LRMDA: variants seen among roughly 807,000 people sequenced by gnomAD.
LRMDA encodes the protein leucine rich melanocyte differentiation associated.
In LRMDA, 18 loss-of-function variants were observed where a neutral mutation model predicts 29.8. That is an observed-to-expected ratio of 0.60 (90% CI 0.42 to 0.90). The LOEUF is 0.90. Among genes scored for constraint, LRMDA ranks in the 40% least tolerant of loss-of-function variants. The pLI is 0.00. For synonymous variants in LRMDA, 125 were observed against 109.4 expected, an observed-to-expected ratio of 1.14 and a Z score of -0.89; for missense variants, 273 against 273.9, an observed-to-expected ratio of 1.00 and a Z score of 0.02.
intron 5 of LRMDA, among the ~76,000 whole-genome samples, chr10:76,290,798 T>C (rs963142518): frequency 6.6e-6 from 1 of 152,192 alleles, no homozygotes; most frequent in South Asian, 2.1e-4. Context: ...AAGGAGGTGC[T>C]ATACCTTCAA....
chr10:75,728,948 C>T (rs1366548432), intron 2 of LRMDA, among the ~76,000 whole-genome samples: 1 of 152,170 alleles, frequency 6.6e-6, no homozygotes, highest in African/African-American at 2.4e-5. Context: ...CCCACCTTCT[C>T]TCCTCTGTGC....
At chr10:75,490,963 C>T (rs1794110248) in intron 2 of LRMDA, among the ~76,000 whole-genome samples, 2 of 152,272 alleles carry the variant, frequency 1.3e-5, no homozygotes, top group Admixed American at 1.3e-4. Flanking sequence ...ATTTTTTCCC[C>T]TAACACAGAG....
intron 2 of LRMDA, among the ~76,000 whole-genome samples, chr10:75,594,882 G>A (rs575771260): frequency 1.3e-5 from 2 of 152,294 alleles, no homozygotes; most frequent in South Asian, 4.1e-4. Flanking sequence ...AACTTTAGGT[G>A]AGACTCCCTG....
chr10:76,241,777 A>G (rs2132285887), intron 5 of LRMDA, among the ~76,000 whole-genome samples: 1 of 152,242 alleles, frequency 6.6e-6, no homozygotes, highest in East Asian at 1.9e-4. Context: ...GGGGTCCTGG[A>G]GACTGAAGGG....
chr10:75,998,783 T>C (rs1847514726), intron 2 of LRMDA, among the ~76,000 whole-genome samples: 1 of 152,184 alleles, frequency 6.6e-6, no homozygotes, highest in Admixed American at 6.5e-5. Context: ...ACACTTGTGG[T>C]GTAATTTGGG....
intron 5 of LRMDA, among the ~76,000 whole-genome samples, chr10:76,096,959 A>ATT (rs528474182): frequency 1.3e-5 from 2 of 148,834 alleles, no homozygotes; most frequent in Non-Finnish European, 3.0e-5. Flanking sequence ...GTAAATTGAG[A>ATT]TTTTTTTTTT....
chr10:76,328,827 A>C (rs1840869250), intron 6 of LRMDA, among the ~76,000 whole-genome samples: 1 of 152,228 alleles, frequency 6.6e-6, no homozygotes. Flanking sequence ...AAAAGGGTGA[A>C]TGCTCCATGT....
chr10:75,441,630 C>G (rs1313647030), intron 2 of LRMDA, among the ~76,000 whole-genome samples: 1 of 152,154 alleles, frequency 6.6e-6, no homozygotes, highest in Non-Finnish European at 1.5e-5. Flanking sequence ...CTCTTTCTCC[C>G]AGGCCCTTTC....
chr10:76,236,402 T>C (rs185851581), intron 5 of LRMDA, among the ~76,000 whole-genome samples: 1 of 152,308 alleles, frequency 6.6e-6, no homozygotes. Flanking sequence ...GGTTTATGTT[T>C]GAGAATTGCA....
intron 2 of LRMDA, among the ~76,000 whole-genome samples, chr10:75,860,242 A>C (rs1244530176): frequency 6.6e-6 from 1 of 150,392 alleles, no homozygotes; most frequent in East Asian, 2.0e-4. Flanking sequence ...CTGAACAGTA[A>C]TCTCTAGAGC....
chr10:75,596,128 A>G (rs988540213), intron 2 of LRMDA, among the ~76,000 whole-genome samples: 4 of 152,172 alleles, frequency 2.6e-5, no homozygotes, highest in African/African-American at 9.7e-5. Context: ...GTAAACTTAA[A>G]TTTTTACAGG....
intron 2 of LRMDA, among the ~76,000 whole-genome samples, chr10:75,990,690 A>C (rs768479713): frequency 1.4e-4 from 21 of 152,206 alleles, no homozygotes; most frequent in Non-Finnish European, 2.8e-4. Flanking sequence ...AAAAATAAGT[A>C]CTTTGGGTTG....
intron 2 of LRMDA, among the ~76,000 whole-genome samples, chr10:75,825,931 G>A (rs1337600856): frequency 6.6e-6 from 1 of 152,206 alleles, no homozygotes; most frequent in Non-Finnish European, 1.5e-5. Context: ...GCGGCTGCAT[G>A]TGGAACGTCA....
intron 2 of LRMDA, among the ~76,000 whole-genome samples, chr10:75,626,073 G>A (rs1176842212): frequency 6.6e-6 from 1 of 151,462 alleles, no homozygotes; most frequent in Non-Finnish European, 1.5e-5. Context: ...TGTTGCCCAA[G>A]CTGTTCTCGA....
intron 2 of LRMDA, among the ~76,000 whole-genome samples, chr10:75,730,504 C>T (rs578062609): frequency 3.3e-5 from 5 of 152,258 alleles, no homozygotes; most frequent in South Asian, 2.1e-4. Flanking sequence ...TACTGATGAG[C>T]GCGTCATATG....
intron 6 of LRMDA, among the ~76,000 whole-genome samples, chr10:76,381,165 A>AC (rs1280993889): frequency 4.0e-5 from 6 of 151,774 alleles, no homozygotes; most frequent in Non-Finnish European, 5.9e-5. Context: ...GGTATAAGTA[A>AC]CCTCTCACAT....
intron 5 of LRMDA, among the ~76,000 whole-genome samples, chr10:76,151,709 T>A (rs1850448822): frequency 6.6e-6 from 1 of 152,228 alleles, no homozygotes; most frequent in Non-Finnish European, 1.5e-5. Context: ...TTGCATTTTT[T>A]CCTGCTGATA....
At chr10:76,128,699 A>G (rs1849931664) in intron 5 of LRMDA, among the ~76,000 whole-genome samples, 1 of 152,174 alleles carries the variant, frequency 6.6e-6, no homozygotes, top group African/African-American at 2.4e-5. Flanking sequence ...CAAAGACTCT[A>G]GACTGGCCTT....
chr10:75,891,149 T>G (rs533689042), intron 2 of LRMDA, among the ~76,000 whole-genome samples: 1 of 149,708 alleles, frequency 6.7e-6, no homozygotes, highest in South Asian at 2.2e-4. Flanking sequence ...CCTGGCCATA[T>G]TGTGTTGTGT....
Sources: allele counts gnomAD v4.1 joint callset (sites outside exome capture counted in the v4.1 genomes callset), GRCh38; gene constraint gnomAD v4.1.1; transcripts MANE v1.5; gene names NCBI Gene and HGNC (gene_info 2026-07-23, HGNC 2026-07-21).